DMTF1: variants seen among roughly 807,000 people sequenced by gnomAD.
DMTF1 encodes the protein cyclin-D-binding Myb-like transcription factor 1.
DMTF1 carries 39 observed loss-of-function variants against 91.1 expected under a neutral mutation model. The ratio of observed to expected loss-of-function variants is 0.43; its 90% confidence interval spans 0.33 to 0.56. The LOEUF (loss-of-function observed/expected upper bound fraction) is 0.56. Ranked by LOEUF, DMTF1 falls within the 20% of genes least tolerant of loss-of-function variation. DMTF1 has a pLI of 0.05. For missense variants in DMTF1, 750 were observed against 914.5 expected, an observed-to-expected ratio of 0.82 and a Z score of 2.32; for synonymous variants, 338 against 309.5, an observed-to-expected ratio of 1.09 and a Z score of -0.97.
chr7:87,159,107 A>G (rs1450280014), intron 1 of DMTF1, among the ~76,000 whole-genome samples: 1 of 152,158 alleles, frequency 6.6e-6, no homozygotes, highest in South Asian at 2.1e-4. Flanking sequence ...AACAAATTCC[A>G]TAGTTATGCA....
At chr7:87,188,608 A>G (rs1799005399) in intron 13 of DMTF1, among the ~76,000 whole-genome samples, 1 of 152,188 alleles carries the variant, frequency 6.6e-6, no homozygotes, top group South Asian at 2.1e-4. Context: ...ATAGAAAACT[A>G]CCTAAAAAGC....
chr7:87,181,138 C>T (rs569650863), intron 8 of DMTF1, 171 bp from the exon 9 acceptor site: 23 of 434,130 alleles, frequency 5.3e-5, no homozygotes, highest in African/African-American at 4.1e-4. Flanking sequence ...GCGTGAGCCG[C>T]ACCCTGCCTA....
chr7:87,185,200 A>G (rs2129162930), intron 11 of DMTF1, among the ~76,000 whole-genome samples: 1 of 152,324 alleles, frequency 6.6e-6, no homozygotes, highest in Non-Finnish European at 1.5e-5. Flanking sequence ...ATGGGCAAAA[A>G]TACTAGCAAG....
At chr7:87,159,564 A>G (rs1791693711) in intron 1 of DMTF1, among the ~76,000 whole-genome samples, 1 of 152,232 alleles carries the variant, frequency 6.6e-6, no homozygotes, top group Non-Finnish European at 1.5e-5. Flanking sequence ...TGATGAAAAC[A>G]TGCAAAAATG....
At chr7:87,193,029 A>G in intron 14 of DMTF1, 169 bp from the exon 15 acceptor site, 1 of 640,816 alleles carries the variant, frequency 1.6e-6, no homozygotes, top group East Asian at 2.8e-5. Flanking sequence ...CAGCCTCTTA[A>G]ACCTTCAGGC....
At chr7:87,165,503 T>C (rs1028001050) in intron 3 of DMTF1, among the ~76,000 whole-genome samples, 7 of 152,236 alleles carry the variant, frequency 4.6e-5, no homozygotes, top group Non-Finnish European at 1.0e-4. Context: ...ATTATTTATG[T>C]CATTTATTTA....
intron 4 of DMTF1, among the ~76,000 whole-genome samples, chr7:87,169,286 C>CT (rs1794561733): frequency 6.6e-6 from 1 of 152,080 alleles, no homozygotes; most frequent in South Asian, 2.1e-4. Context: ...AGGCAAAACT[C>CT]TGTCTTTACA....
At chr7:87,166,119 T>A (rs1287088760) in intron 3 of DMTF1, among the ~76,000 whole-genome samples, 1 of 152,230 alleles carries the variant, frequency 6.6e-6, no homozygotes, top group African/African-American at 2.4e-5. Flanking sequence ...CCTGCCGCAT[T>A]TCATATACCT....
intron 9 of DMTF1, among the ~76,000 whole-genome samples, chr7:87,181,788 C>G (rs1164385039): frequency 6.6e-6 from 1 of 151,878 alleles, no homozygotes; most frequent in Non-Finnish European, 1.5e-5. Flanking sequence ...TTGAGTTAGA[C>G]CTTAAAGTAT....
chr7:87,187,841 A>G (rs1562844978), intron 12 of DMTF1: 1 of 488,172 alleles, frequency 2.0e-6, no homozygotes, highest in Non-Finnish European at 3.7e-6. Context: ...TGTAATGTCT[A>G]CCTTTTTTTA....
intron 3 of DMTF1, 89 bp downstream of exon 3, chr7:87,165,139 A>G (rs1218901394): frequency 1.2e-5 from 9 of 779,068 alleles, no homozygotes; most frequent in Non-Finnish European, 1.9e-5. Flanking sequence ...ATAGGGGTCT[A>G]GGTGCCTATG....
intron 11 of DMTF1, among the ~76,000 whole-genome samples, chr7:87,185,445 A>G (rs1355964652): frequency 1.3e-5 from 2 of 152,162 alleles, no homozygotes; most frequent in Non-Finnish European, 2.9e-5. Flanking sequence ...TTGCTTAACA[A>G]TGGAAACGCT....
chr7:87,160,969 C>G lies in DMTF1; in HGVS notation c.-131-2526C>G, dbSNP rs139300429. On this transcript the variant is annotated intron_variant, in intron 1 of 17. Transcript: ENST00000331242. Reference sequence around the variant, plus strand: ...TAAGATTTATAGGTCTAATCCTGGCCTGTTGAACTCTAGTTTTATATATTT... The same window carrying G: ...TAAGATTTATAGGTCTAATCCTGGCGTGTTGAACTCTAGTTTTATATATTT... 2.9e-3 allele frequency among the ~76,000 whole-genome samples: 435 copies of G among 152,098 alleles called. 1 individual carries two copies. The highest frequency in any genetic ancestry group is 0.01 in the African/African-American group (417 of 41,460).
chr7:87,173,677 C>A, intron 6 of DMTF1, 28 bp downstream of exon 6: 1 of 1,464,298 alleles, frequency 6.8e-7, no homozygotes, highest in Non-Finnish European at 9.4e-7. Context: ...ATTTTAGTGC[C>A]TAGTGAAAAA....
rs547838310 is a variant in DMTF1 at position 87,161,806 on chromosome 7, G to A, written c.-131-1689G>A. 5.3e-5 allele frequency among the ~76,000 whole-genome samples: 8 copies of A among 152,180 alleles called. No homozygotes were observed. The South Asian group carries it at 1.5e-3, about 28-fold the overall frequency. Reference sequence around the variant, plus strand: ...AAATAAGCATTGTACTTTTTGCTTTGAAGTTTTTAAAAAATAACTATTGGC... The same window carrying A: ...AAATAAGCATTGTACTTTTTGCTTTAAAGTTTTTAAAAAATAACTATTGGC... On this transcript the variant is annotated intron_variant, in intron 1 of 17. Coordinates refer to ENST00000331242, the MANE Select transcript of DMTF1 (RefSeq NM_001142327.2).
chr7:87,170,958 T>C (rs747905428), intron 4 of DMTF1, 37 bp from the exon 5 acceptor site: 1 of 1,365,726 alleles, frequency 7.3e-7, no homozygotes, highest in Admixed American at 1.7e-5. Context: ...GAACTTGCCG[T>C]TATTATTCTG....
chr7:87,182,350 CT>C lies in DMTF1; in HGVS notation c.820+14del. On this transcript the variant is annotated intron_variant, in intron 10 of 17. Transcript: ENST00000331242. ...ACTTGCAACACAGGTACTGTGACTA[CT>C]ACTGGTAGCGTTTTCTTGTCACCAC... 1 of 1,613,628 alleles carries C rather than the reference CT, an allele frequency of 6.2e-7. No homozygotes were observed. The highest frequency in any genetic ancestry group is 8.5e-7 in the Non-Finnish European group (1 of 1,179,648).
chr7:87,184,777 T>G (rs932856061), intron 11 of DMTF1, 152 bp downstream of exon 11: 2 of 755,306 alleles, frequency 2.6e-6, no homozygotes, highest in East Asian at 2.7e-5. Flanking sequence ...TATTTCATAT[T>G]GAGCTCTTTT....
chr7:87,163,431 T>TA (rs1793014805), intron 1 of DMTF1, 64 bp from the exon 2 acceptor site: 1 of 152,258 alleles, frequency 6.6e-6, no homozygotes. Context: ...GTCATCAGCA[T>TA]ACTGCTATAC....
Sources: gnomAD v4.1 joint callset for allele counts (sites outside exome capture counted in the v4.1 genomes callset) on GRCh38, gnomAD v4.1.1 for gene constraint, MANE v1.5 for transcripts, NCBI Gene and HGNC (gene_info 2026-07-23, HGNC 2026-07-21) for gene names.